The following STK24 variants were observed in gnomAD, a reference collection of about 807,000 sequenced individuals.
The protein encoded by STK24 is serine/threonine-protein kinase 24.
Under a neutral mutation model 55.6 loss-of-function variants are expected in STK24, and 21 were observed. That is an observed-to-expected ratio of 0.38 (90% CI 0.27 to 0.54). The LOEUF is 0.54. STK24 is among the 20% of genes least tolerant of loss of function. The pLI, the probability that STK24 is intolerant of heterozygous loss-of-function variation, is 0.79. For synonymous variants in STK24, 200 were observed against 215.2 expected, an observed-to-expected ratio of 0.93 and a Z score of 0.62; for missense variants, 383 against 538.4, an observed-to-expected ratio of 0.71 and a Z score of 2.86.
chr13:98,524,300 T>C (rs1350984089), intron 1 of STK24, among the ~76,000 whole-genome samples: 2 of 151,598 alleles, frequency 1.3e-5, no homozygotes, highest in Non-Finnish European at 2.9e-5. Context: ...ACCTGGCCTG[T>C]GGTTCCTGTG....
intron 1 of STK24, among the ~76,000 whole-genome samples, chr13:98,535,354 AAACAAACAAAAAAAAAAT>A (rs1566391777): frequency 1.0e-4 from 4 of 39,722 alleles, no homozygotes; most frequent in Non-Finnish European, 1.8e-4. Flanking sequence ...ACAAACAAAC[AAACAAACAAAAAAAAAAT>A]ATATATATAT....
chr13:98,474,551 C>A (rs993928623), intron 5 of STK24, among the ~76,000 whole-genome samples: 1 of 152,166 alleles, frequency 6.6e-6, no homozygotes, highest in Non-Finnish European at 1.5e-5. Context: ...CCTCCAAACC[C>A]GCTCCATCCT....
chr13:98,574,574 A>G (rs1231196387), intron 1 of STK24, among the ~76,000 whole-genome samples: 1 of 152,192 alleles, frequency 6.6e-6, no homozygotes, highest in African/African-American at 2.4e-5. Flanking sequence ...TTCTTCCCCA[A>G]ATGATACACT....
intron 1 of STK24, chr13:98,576,097 T>C: frequency 2.0e-6 from 2 of 984,910 alleles, no homozygotes; most frequent in Non-Finnish European, 2.4e-6. Flanking sequence ...GGTGCGCGGC[T>C]GTCCGAGGGA....
intron 10 of STK24, 51 bp downstream of exon 10, chr13:98,457,117 C>T (rs779510930): frequency 6.3e-7 from 1 of 1,587,800 alleles, no homozygotes; most frequent in East Asian, 2.3e-5. Context: ...TAAGTCCCAG[C>T]CCAAGTGCAG....
intron 2 of STK24, among the ~76,000 whole-genome samples, chr13:98,488,697 G>A (rs1894902813): frequency 6.6e-6 from 1 of 152,124 alleles, no homozygotes; most frequent in African/African-American, 2.4e-5. Context: ...TTGCCCCAAA[G>A]TATTTGGAAG....
At chr13:98,469,731 A>C (rs1594583592) in intron 5 of STK24, among the ~76,000 whole-genome samples, 1 of 152,166 alleles carries the variant, frequency 6.6e-6, no homozygotes, top group East Asian at 1.9e-4. Context: ...ATTAGTCTAA[A>C]GGGATCTCTT....
chr13:98,483,819 C>T (rs1189772026), intron 2 of STK24, among the ~76,000 whole-genome samples: 3 of 152,206 alleles, frequency 2.0e-5, no homozygotes, highest in Non-Finnish European at 4.4e-5. Context: ...GAGGCGCTAA[C>T]GGTAAGATGC....
chr13:98,509,414 G>A (rs979658191), intron 2 of STK24, among the ~76,000 whole-genome samples: 40 of 151,712 alleles, frequency 2.6e-4, no homozygotes, highest in African/African-American at 9.5e-4. Context: ...AAACAAACAA[G>A]GGGAAATTGA....
intron 1 of STK24, among the ~76,000 whole-genome samples, chr13:98,525,050 C>G (rs1185227966): frequency 2.0e-5 from 3 of 152,370 alleles, no homozygotes; most frequent in Middle Eastern, 6.8e-3. Context: ...GTTCCCTGCG[C>G]GGGCAGCCCT....
chr13:98,456,202 A>AGG (rs1229078727), intron 10 of STK24: 6 of 212,348 alleles, frequency 2.8e-5, no homozygotes, highest in Non-Finnish European at 5.8e-5. Flanking sequence ...CCCCACGTAG[A>AGG]GGGGCTCTTC....
chr13:98,489,846 G>C (rs1178580016), intron 2 of STK24, among the ~76,000 whole-genome samples: 1 of 152,202 alleles, frequency 6.6e-6, no homozygotes, highest in Non-Finnish European at 1.5e-5. Flanking sequence ...AGCGAAACTT[G>C]TGCTAATAGA....
chr13:98,566,941 T>C (rs1273745773), intron 1 of STK24, among the ~76,000 whole-genome samples: 1 of 152,212 alleles, frequency 6.6e-6, no homozygotes, highest in Admixed American at 6.5e-5. Context: ...AGTCACCACA[T>C]TGAACACGCT....
intron 1 of STK24, among the ~76,000 whole-genome samples, chr13:98,547,164 G>A (rs886555904): frequency 2.4e-4 from 37 of 152,138 alleles, no homozygotes; most frequent in Middle Eastern, 6.8e-3. Flanking sequence ...CACCCGCCTC[G>A]GCCTCCCAAA....
intron 1 of STK24, chr13:98,542,945 G>A: frequency 2.0e-6 from 2 of 985,394 alleles, no homozygotes; most frequent in Non-Finnish European, 2.4e-6. Flanking sequence ...TGGAGACGAT[G>A]GGACGGAGTA....
intron 3 of STK24, among the ~76,000 whole-genome samples, chr13:98,479,321 A>G (rs2139297617): frequency 6.6e-6 from 1 of 152,346 alleles, no homozygotes; most frequent in East Asian, 1.9e-4. Context: ...GACTGAGCAC[A>G]CACTCAAATA....
At chr13:98,531,328 T>A (rs188007054) in intron 1 of STK24, among the ~76,000 whole-genome samples, 1 of 152,184 alleles carries the variant, frequency 6.6e-6, no homozygotes, top group Admixed American at 6.5e-5. Context: ...ATGGAAAGTT[T>A]ATAAACCAAA....
chr13:98,545,103 A>C (rs1322056259), intron 1 of STK24, among the ~76,000 whole-genome samples: 1 of 152,246 alleles, frequency 6.6e-6, no homozygotes, highest in African/African-American at 2.4e-5. Context: ...TAAAGCTGCA[A>C]ACTACCTAGG....
intron 2 of STK24, among the ~76,000 whole-genome samples, chr13:98,517,650 C>T (rs1315188771): frequency 6.6e-6 from 1 of 152,136 alleles, no homozygotes; most frequent in Non-Finnish European, 1.5e-5. Flanking sequence ...AGAAATTTAA[C>T]ATCAAGATGC....
Sources: allele counts gnomAD v4.1 joint callset (sites outside exome capture counted in the v4.1 genomes callset), GRCh38; gene constraint gnomAD v4.1.1; transcripts MANE v1.5; gene names NCBI Gene and HGNC (gene_info 2026-07-23, HGNC 2026-07-21).